Variants in TAF3 observed in about 807,000 individuals in gnomAD.
TAF3 encodes the protein transcription initiation factor TFIID subunit 3.
Under a neutral mutation model 80.6 loss-of-function variants are expected in TAF3, and 7 were observed. That is an observed-to-expected ratio of 0.09 (90% CI 0.05 to 0.16). The LOEUF is 0.16. Ranked by LOEUF, TAF3 falls within the 10% of genes least tolerant of loss-of-function variation. TAF3 has a pLI of 1.00. For missense variants in TAF3, 921 were observed against 1,140.2 expected, an observed-to-expected ratio of 0.81 and a Z score of 2.77; for synonymous variants, 444 against 446.1, an observed-to-expected ratio of 1.00 and a Z score of 0.06.
At chr10:7,820,939 ATAGGCTAGGC>A (rs375807461) in intron 1 of TAF3, among the ~76,000 whole-genome samples, 3 of 152,146 alleles carry the variant, frequency 2.0e-5, no homozygotes, top group African/African-American at 7.2e-5. Flanking sequence ...ACCGTTAGTG[ATAGGCTAGGC>A]TAGGCTAGGC....
chr10:7,898,733 A>G (rs1438654539), intron 2 of TAF3, among the ~76,000 whole-genome samples: 1 of 152,114 alleles, frequency 6.6e-6, no homozygotes, highest in East Asian at 1.9e-4. Flanking sequence ...TCTTCAGACA[A>G]TTAATGTTTT....
At chr10:7,953,962 G>C (rs1412656023) in intron 2 of TAF3, among the ~76,000 whole-genome samples, 1 of 142,442 alleles carries the variant, frequency 7.0e-6, no homozygotes, top group Non-Finnish European at 1.5e-5. Context: ...TCCCTAGTGA[G>C]ATTCAGAGTG....
intron 2 of TAF3, among the ~76,000 whole-genome samples, chr10:7,919,917 A>T (rs750844066): frequency 6.6e-6 from 1 of 152,018 alleles, no homozygotes; most frequent in Non-Finnish European, 1.5e-5. Context: ...ATATTCTGTA[A>T]TGAGTTTTTC....
In TAF3 at chr10:8,013,961, A is replaced by C. The variant is rs1588351986; in HGVS notation, c.2675+124A>C. 24 of 730,586 alleles carry C rather than the reference A, an allele frequency of 3.3e-5. No individual in the cohort carries two copies. The East Asian group carries it at 6.0e-4, about 18-fold the overall frequency. The allele number at this position is 730,586 out of a possible 1,614,324, so 45.3% of individuals were successfully genotyped here. The stretch of plus-strand genomic sequence containing the variant: ...CCCAGGGCTGTCCTAGGGACAGTAC[A>C]TGGAGTCAAATCACTGAGCCTGTGA... On this transcript the variant is annotated intron_variant, in intron 6 of 6. Coordinates refer to ENST00000344293, the MANE Select transcript of TAF3 (RefSeq NM_031923.4).
chr10:7,901,229 CT>C (rs1000056059), intron 2 of TAF3, among the ~76,000 whole-genome samples: 83 of 152,248 alleles, frequency 5.5e-4, no homozygotes, highest in African/African-American at 1.8e-3. Flanking sequence ...GAAGAAAATA[CT>C]TTAAAAAGAA....
chr10:7,880,335 C>T (rs562018558), intron 2 of TAF3, among the ~76,000 whole-genome samples: 2 of 152,152 alleles, frequency 1.3e-5, no homozygotes, highest in African/African-American at 4.8e-5. Context: ...CAGATTTTTG[C>T]ACATCTGAAA....
chr10:7,866,197 CT>C (rs1309440045), intron 2 of TAF3, among the ~76,000 whole-genome samples: 2 of 152,234 alleles, frequency 1.3e-5, no homozygotes, highest in Non-Finnish European at 2.9e-5. Flanking sequence ...AAATTCCCTT[CT>C]TTCAGCACAT....
chr10:7,984,743 A>G (rs545386490), intron 4 of TAF3, among the ~76,000 whole-genome samples: 1 of 152,320 alleles, frequency 6.6e-6, no homozygotes, highest in East Asian at 1.9e-4. Context: ...AGTACTTAAG[A>G]TTCATTATCT....
intron 2 of TAF3, among the ~76,000 whole-genome samples, chr10:7,891,851 A>T (rs945291575): frequency 6.6e-6 from 1 of 152,194 alleles, no homozygotes; most frequent in African/African-American, 2.4e-5. Flanking sequence ...TGTTGTATCT[A>T]CCGGACTTAG....
At position 7,911,194 on chromosome 10, in the gene TAF3, C is replaced by G. The variant is rs559959276; in HGVS notation, c.410-52726C>G. ...TTATTGATATGATCAAAACTCACTT[C>G]TTTAGAAAATAGAAATGGCAACAAG... On this transcript the variant is annotated intron_variant, in intron 2 of 6. Coordinates refer to ENST00000344293, the MANE Select transcript of TAF3 (RefSeq NM_031923.4). 3.0e-4 allele frequency among the ~76,000 whole-genome samples: 46 copies of G among 152,268 alleles called. No homozygotes were observed. The South Asian group carries it at 6.2e-3, about 21-fold the overall frequency.
intron 4 of TAF3, among the ~76,000 whole-genome samples, chr10:7,998,612 C>A (rs1447117248): frequency 6.6e-6 from 1 of 151,832 alleles, no homozygotes; most frequent in African/African-American, 2.4e-5. Flanking sequence ...CTTTGGGAGG[C>A]CAAATCACCT....
At chr10:7,998,468 T>C (rs11593082) in intron 4 of TAF3, among the ~76,000 whole-genome samples, 10,053 of 152,020 alleles carry the variant, frequency 0.066, 430 homozygotes, top group Non-Finnish European at 0.098. Flanking sequence ...CAACAATCTG[T>C]TTCTATCTGT....
chr10:7,880,330 T>A (rs945866630), intron 2 of TAF3, among the ~76,000 whole-genome samples: 6 of 152,240 alleles, frequency 3.9e-5, no homozygotes, highest in African/African-American at 1.4e-4. Context: ...TTTGACAGAT[T>A]TTTGCACATC....
intron 2 of TAF3, among the ~76,000 whole-genome samples, chr10:7,887,023 C>G (rs948273157): frequency 2.6e-5 from 4 of 151,984 alleles, no homozygotes; most frequent in African/African-American, 7.3e-5. Flanking sequence ...ATCACGAGGT[C>G]AGGAGCCTGA....
At chr10:7,820,214 C>T (rs1836677413) in intron 1 of TAF3, among the ~76,000 whole-genome samples, 2 of 152,212 alleles carry the variant, frequency 1.3e-5, no homozygotes. Flanking sequence ...CTCTAGGGAA[C>T]TCATGTTATC....
intron 2 of TAF3, among the ~76,000 whole-genome samples, chr10:7,909,009 G>C (rs1055149600): frequency 6.6e-6 from 1 of 152,218 alleles, no homozygotes; most frequent in Non-Finnish European, 1.5e-5. Flanking sequence ...AGAATGTTGT[G>C]CTGGTGGCTT....
chr10:7,875,223 T>C (rs1293364551), intron 2 of TAF3, among the ~76,000 whole-genome samples: 1 of 152,192 alleles, frequency 6.6e-6, no homozygotes, highest in East Asian at 1.9e-4. Context: ...TCTCCATACA[T>C]TGTTTATTTA....
At position 7,846,253 on chromosome 10, in the gene TAF3, G is replaced by A. The variant is rs113834188; in HGVS notation, c.409+21693G>A. Among the ~76,000 whole-genome samples, 87 of 152,190 alleles carry A rather than the reference G, an allele frequency of 5.7e-4. 3 individuals are homozygous for A. The highest frequency in any genetic ancestry group is 1.9e-3 in the African/African-American group (80 of 41,522). On this transcript the variant is annotated intron_variant, in intron 2 of 6. Transcript: ENST00000344293. Reference sequence around the variant, plus strand: ...ATTACAGGCATGAGCCACTGCGCCCGGCCAAAAGGATGAAGTTTTTAAAAA... The same window carrying A: ...ATTACAGGCATGAGCCACTGCGCCCAGCCAAAAGGATGAAGTTTTTAAAAA...
intron 2 of TAF3, among the ~76,000 whole-genome samples, chr10:7,862,033 A>G (rs981044522): frequency 1.3e-5 from 2 of 151,636 alleles, no homozygotes; most frequent in East Asian, 1.9e-4. Context: ...ATGTTGATCT[A>G]TTTTCAGGGT....
Sources: gnomAD v4.1 joint callset for allele counts (sites outside exome capture counted in the v4.1 genomes callset) on GRCh38, gnomAD v4.1.1 for gene constraint, MANE v1.5 for transcripts, NCBI Gene and HGNC (gene_info 2026-07-23, HGNC 2026-07-21) for gene names.